DIS3L2: variants seen among roughly 807,000 people sequenced by gnomAD.
The protein encoded by DIS3L2 is DIS3 like 3'-5' exoribonuclease 2.
A neutral mutation model predicts 97.5 loss-of-function variants in DIS3L2; 34 were observed. That is an observed-to-expected ratio of 0.35 (90% CI 0.27 to 0.46). DIS3L2 has a LOEUF of 0.46. Among genes scored for constraint, DIS3L2 ranks in the 20% least tolerant of loss-of-function variants. The pLI, the probability that DIS3L2 is intolerant of heterozygous loss-of-function variation, is 1.00. For missense variants in DIS3L2, 1,038 were observed against 1,146.0 expected, an observed-to-expected ratio of 0.91 and a Z score of 1.36; for synonymous variants, 435 against 445.2, an observed-to-expected ratio of 0.98 and a Z score of 0.29.
At position 232,293,644 on chromosome 2, in the gene DIS3L2, G is replaced by T. The variant is rs953899955; in HGVS notation, c.1660-6396G>T. Among the ~76,000 whole-genome samples, 1 of 152,196 alleles carries T rather than the reference G, an allele frequency of 6.6e-6. No homozygotes were observed. Among genetic ancestry groups the T allele is most frequent in the East Asian group, 1.9e-4 (1 of 5,200 alleles). On this transcript the variant is annotated intron_variant, in intron 13 of 20. Coordinates refer to ENST00000325385, the MANE Select transcript of DIS3L2 (RefSeq NM_152383.5). The surrounding 1 kb of genome is among the most constrained non-coding windows in gnomAD (Gnocchi z 4.6). ...CTGTCCTGTAAGACTCCTTCTGTCTGTCCTGAGGGCCTCCCTGGCTGGCAC... is the reference window on the plus strand; with the variant it reads ...CTGTCCTGTAAGACTCCTTCTGTCTTTCCTGAGGGCCTCCCTGGCTGGCAC...
intron 1 of DIS3L2, among the ~76,000 whole-genome samples, chr2:232,002,583 T>C (rs982847394): frequency 2.6e-5 from 4 of 152,246 alleles, no homozygotes; most frequent in Admixed American, 2.0e-4. Flanking sequence ...GCATAATTTC[T>C]TTCTATTTGA....
At chr2:232,303,882 GT>G (rs1178157321) in intron 14 of DIS3L2, among the ~76,000 whole-genome samples, 1 of 152,150 alleles carries the variant, frequency 6.6e-6, no homozygotes, top group Non-Finnish European at 1.5e-5. Context: ...TACCTCTGGG[GT>G]CCAGGGAGGA....
intron 6 of DIS3L2, among the ~76,000 whole-genome samples, chr2:232,127,822 A>G (rs959585864): frequency 4.6e-5 from 7 of 152,096 alleles, no homozygotes; most frequent in East Asian, 1.9e-4. Flanking sequence ...TGGGTCTCTC[A>G]TTCTCCTCTT....
At chr2:232,088,770 G>T (rs899349639) in intron 6 of DIS3L2, among the ~76,000 whole-genome samples, 11 of 152,224 alleles carry the variant, frequency 7.2e-5, no homozygotes, top group African/African-American at 2.4e-4. Flanking sequence ...GACCCTACCT[G>T]ACCACACTTG....
intron 6 of DIS3L2, among the ~76,000 whole-genome samples, chr2:232,119,258 G>A (rs927961039): frequency 2.6e-5 from 4 of 152,090 alleles, no homozygotes; most frequent in African/African-American, 9.7e-5. Flanking sequence ...TACTTAACTC[G>A]CTCAGATGAC....
intron 13 of DIS3L2, among the ~76,000 whole-genome samples, chr2:232,283,907 C>G (rs1179768928): frequency 6.6e-6 from 1 of 152,124 alleles, no homozygotes; most frequent in Non-Finnish European, 1.5e-5. Context: ...ACTAGACACA[C>G]CCATTATGCC....
intron 1 of DIS3L2, among the ~76,000 whole-genome samples, chr2:232,010,536 A>G (rs55683960): frequency 0.011 from 1,708 of 150,354 alleles, 17 homozygotes; most frequent in Non-Finnish European, 0.016. Context: ...TTTTTTTCTT[A>G]ATCAATAGTC....
chr2:232,006,478 A>G (rs954449430), intron 1 of DIS3L2, among the ~76,000 whole-genome samples: 6 of 152,210 alleles, frequency 3.9e-5, no homozygotes, highest in African/African-American at 1.4e-4. Flanking sequence ...CCCAGGGATG[A>G]TAATGATGTC....
intron 9 of DIS3L2, among the ~76,000 whole-genome samples, chr2:232,197,307 A>G (rs915832857): frequency 6.6e-6 from 1 of 152,238 alleles, no homozygotes; most frequent in Admixed American, 6.5e-5. Context: ...ATTTTTACAT[A>G]TTAACTATGT....
chr2:231,984,382 TTC>T, intron 1 of DIS3L2, among the ~76,000 whole-genome samples: 1 of 149,430 alleles, frequency 6.7e-6, no homozygotes, highest in Non-Finnish European at 1.5e-5. Flanking sequence ...TCACTGCAAC[TTC>T]TTTTTTTTTT....
chr2:232,130,066 T>C (rs1447842798), intron 6 of DIS3L2, among the ~76,000 whole-genome samples: 1 of 152,178 alleles, frequency 6.6e-6, no homozygotes, highest in African/African-American at 2.4e-5. Context: ...TAAAAGACTT[T>C]AAGTACTTTA....
At chr2:231,976,986 C>T (rs1693116370) in intron 1 of DIS3L2, among the ~76,000 whole-genome samples, 1 of 152,076 alleles carries the variant, frequency 6.6e-6, no homozygotes, top group Non-Finnish European at 1.5e-5. Flanking sequence ...CCAGGATGGT[C>T]TCTATCTCCT....
At chr2:232,341,000 G>A (rs367616917), downstream of DIS3L2, 418 of 461,724 alleles carry the variant, frequency 9.1e-4, 6 homozygotes, top group South Asian at 6.2e-3. Flanking sequence ...ATCGTGAAAC[G>A]AGAGGAGGTT....
chr2:232,318,704 AG>A (rs1695345098), intron 14 of DIS3L2, among the ~76,000 whole-genome samples: 1 of 152,096 alleles, frequency 6.6e-6, no homozygotes, highest in Non-Finnish European at 1.5e-5. Flanking sequence ...AACCCACCCC[AG>A]GGGAGGCAAG....
chr2:232,086,641 ATATG>A (rs1696645282), intron 5 of DIS3L2, among the ~76,000 whole-genome samples: 8 of 50,634 alleles, frequency 1.6e-4, no homozygotes, highest in Admixed American at 4.6e-4. Flanking sequence ...ACATATATAT[ATATG>A]TATATATATA....
In DIS3L2 at chr2:232,333,911, C is replaced by G. The variant is rs370635828; in HGVS notation, c.2082C>G (p.Pro694=). The change falls in exon 17 of 21, where the codon CCC becomes CCG. Residue 694 remains proline, a synonymous_variant. Transcript: ENST00000325385. The part of the protein sequence containing the change: ...AQFRHYALNV[P]LYTHFTSPIR... ...TCCGGCACTACGCGCTCAATGTGCC[C>G]CTGTACACACACTTCACCTCGCCCA... 4 of 1,612,922 alleles carry G rather than the reference C, an allele frequency of 2.5e-6. No homozygotes were observed. The highest frequency in any genetic ancestry group is 1.7e-6 in the Non-Finnish European group (2 of 1,179,928).
chr2:232,036,245 C>T (rs1282755668), intron 5 of DIS3L2, among the ~76,000 whole-genome samples: 1 of 152,104 alleles, frequency 6.6e-6, no homozygotes, highest in Non-Finnish European at 1.5e-5. Context: ...CTAATCTTGT[C>T]TTCATGCTTT....
chr2:232,074,226 G>A (rs1696119147), intron 5 of DIS3L2, among the ~76,000 whole-genome samples: 1 of 152,160 alleles, frequency 6.6e-6, no homozygotes, highest in Non-Finnish European at 1.5e-5. Flanking sequence ...CAATTTTGAT[G>A]AAATAATTGT....
intron 6 of DIS3L2, among the ~76,000 whole-genome samples, chr2:232,118,713 A>G (rs1024746437): frequency 1.3e-5 from 2 of 152,302 alleles, no homozygotes; most frequent in Non-Finnish European, 2.9e-5. Context: ...AGATTTGCCA[A>G]TTTGGCATCA....
Sources: allele counts gnomAD v4.1 joint callset (sites outside exome capture counted in the v4.1 genomes callset), GRCh38; gene constraint gnomAD v4.1.1; non-coding constraint Gnocchi (gnomAD v3.1); transcripts MANE v1.5; gene names NCBI Gene and HGNC (gene_info 2026-07-23, HGNC 2026-07-21).